NUDCD1: variants seen among roughly 807,000 people sequenced by gnomAD.
NUDCD1 encodes NudC domain containing 1.
A neutral mutation model predicts 67.8 loss-of-function variants in NUDCD1; 60 were observed. The ratio of observed to expected loss-of-function variants is 0.88; its 90% CI spans 0.72 to 1.10. The LOEUF (loss-of-function observed/expected upper bound fraction) is 1.10, where lower values mean the gene tolerates loss of function less well. NUDCD1 is among the 50% of genes least tolerant of loss of function. The pLI is 0.00. For missense variants in NUDCD1, 643 were observed against 695.0 expected, an observed-to-expected ratio of 0.93 and a Z score of 0.84; for synonymous variants, 244 against 230.8, an observed-to-expected ratio of 1.06 and a Z score of -0.52.
chr8:109,326,624 G>A (rs536665357), intron 1 of NUDCD1, among the ~76,000 whole-genome samples: 4 of 152,100 alleles, frequency 2.6e-5, no homozygotes, highest in South Asian at 2.1e-4. Context: ...AAAGAGCTTT[G>A]CTGAAAAATC....
At chr8:109,280,704 T>C (rs1197468035) in intron 6 of NUDCD1, among the ~76,000 whole-genome samples, 1 of 152,206 alleles carries the variant, frequency 6.6e-6, no homozygotes, top group Admixed American at 6.5e-5. Context: ...AAATAGCCAT[T>C]TTCACCTATG....
intron 8 of NUDCD1, among the ~76,000 whole-genome samples, chr8:109,250,252 A>G (rs2926213): frequency 0.53 from 80,646 of 152,044 alleles, 22,818 homozygotes; most frequent in African/African-American, 0.73. Context: ...CTTCAAAACT[A>G]AGTATTTCAT....
rs112730275 is a variant in NUDCD1, at chr8:109,290,021, A to G, written c.641-88T>C. The G allele has an allele frequency of 7.9e-3, 4,819 of 611,038 alleles. 181 individuals carry two copies. In the African/African-American group the frequency reaches 0.085, roughly 11 times the overall value. The allele number at this position is 611,038 out of a possible 1,614,324, so 37.9% of individuals were successfully genotyped here. ...TATTTAAAAATTGATTTTAATTATA[A>G]TTAAATAATTTGAATGTATTATTAA... is the stretch of plus-strand genomic sequence containing the variant. On this transcript the variant is annotated intron_variant, in intron 4 of 9. Coordinates refer to ENST00000239690, the MANE Select transcript of NUDCD1 (RefSeq NM_032869.4).
intron 2 of NUDCD1, among the ~76,000 whole-genome samples, chr8:109,307,680 A>G (rs1281295444): frequency 2.6e-5 from 4 of 152,194 alleles, no homozygotes; most frequent in African/African-American, 9.6e-5. Flanking sequence ...GCTCCACTTA[A>G]AAGATACAGA....
chr8:109,247,824 T>G (rs1216795559), intron 8 of NUDCD1, among the ~76,000 whole-genome samples: 1 of 152,164 alleles, frequency 6.6e-6, no homozygotes, highest in Non-Finnish European at 1.5e-5. Flanking sequence ...TCCTATCAAA[T>G]TATTTATCAT....
intron 2 of NUDCD1, among the ~76,000 whole-genome samples, chr8:109,308,336 G>C (rs1356919722): frequency 6.6e-6 from 1 of 152,156 alleles, no homozygotes. Context: ...GCAGTACTAA[G>C]TGGAAAGTTC....
rs527537847 is a variant in NUDCD1 at position 109,262,494 on chromosome 8, CAG to C, written c.1299+8509_1299+8510del. Among the ~76,000 whole-genome samples, 29 of 152,342 alleles carry C rather than the reference CAG, an allele frequency of 1.9e-4. 1 individual carries two copies. In the East Asian group the frequency reaches 5.4e-3, roughly 28 times the overall value. The stretch of plus-strand genomic sequence containing the variant: ...CTCACCATTTGAAAGAAACACTTGA[CAG>C]AGACTTCTGGTTTTATGCTTGAAAA... On this transcript the variant is annotated intron_variant, in intron 8 of 9. Transcript: ENST00000239690.
At position 109,333,463 on chromosome 8, in the gene NUDCD1, C is replaced by G. The variant is rs142058497; in HGVS notation, c.118+430G>C. 1.8e-3 allele frequency among the ~76,000 whole-genome samples: 270 copies of G among 152,298 alleles called. 1 individual carries two copies. Among genetic ancestry groups the G allele is most frequent in the African/African-American group, 6.2e-3 (259 of 41,568 alleles). ...GTAGTTTCTCTTCTAAGAAACGGCTCTCGGTCAGAGGAAACAGGAACTGGG... is the reference window on the plus strand; with the variant it reads ...GTAGTTTCTCTTCTAAGAAACGGCTGTCGGTCAGAGGAAACAGGAACTGGG... On this transcript the variant is annotated intron_variant, in intron 1 of 9. Coordinates refer to ENST00000239690, the MANE Select transcript of NUDCD1 (RefSeq NM_032869.4).
intron 1 of NUDCD1, among the ~76,000 whole-genome samples, chr8:109,325,079 C>G (rs929628934): frequency 2.0e-5 from 3 of 151,872 alleles, no homozygotes; most frequent in African/African-American, 7.3e-5. Flanking sequence ...CAGAGTGAGA[C>G]TTCATCTCAA....
In NUDCD1 at chr8:109,289,918, T is replaced by A; in HGVS notation, c.656A>T (p.Glu219Val). The change falls in exon 5 of 10, where the codon GAA becomes GTA. Residue 219 changes from glutamate to valine, a missense_variant. Transcript: ENST00000239690. ...ACGGAGAATATCACGCTTAATAATT[T>A]CATATTTTTTATTATCTGTAAGAAA... ...SKKNQDNKKY[E>V]IIKRDILRGK... 1 of 1,484,894 alleles carries A rather than the reference T, an allele frequency of 6.7e-7. No individual in the cohort carries two copies. The highest frequency in any genetic ancestry group is 9.0e-7 in the Non-Finnish European group (1 of 1,113,092). 92.0% of individuals were successfully genotyped at this position (1,484,894 alleles called of 1,614,324 possible). A position where few individuals can be genotyped will look rare whatever the true frequency, so the allele number is the denominator to read the frequency against.
intron 2 of NUDCD1, among the ~76,000 whole-genome samples, chr8:109,305,047 C>T (rs956221209): frequency 6.6e-6 from 1 of 152,174 alleles, no homozygotes; most frequent in African/African-American, 2.4e-5. Context: ...CATTTCCTTT[C>T]CATCGTGGAA....
intron 2 of NUDCD1, among the ~76,000 whole-genome samples, chr8:109,297,091 G>GT (rs1161643188): frequency 2.0e-5 from 3 of 152,312 alleles, no homozygotes; most frequent in African/African-American, 4.8e-5. Flanking sequence ...GTGTGATATG[G>GT]TAAGTGGTTA....
At chr8:109,313,948 C>T (rs1815325038) in intron 2 of NUDCD1, 2 of 433,126 alleles carry the variant, frequency 4.6e-6, no homozygotes, top group Non-Finnish European at 8.8e-6. Context: ...GGCTCTCTTA[C>T]TTGCATTAAT....
At chr8:109,310,926 CT>C (rs757756044) in intron 2 of NUDCD1, among the ~76,000 whole-genome samples, 2 of 150,816 alleles carry the variant, frequency 1.3e-5, no homozygotes. Context: ...AGTGATTCCC[CT>C]GCCTCAGCCT....
In NUDCD1 at chr8:109,318,130, T is replaced by A. The variant is rs577857778; in HGVS notation, c.273+4179A>T. On this transcript the variant is annotated intron_variant, in intron 2 of 9. Coordinates refer to ENST00000239690, the MANE Select transcript of NUDCD1 (RefSeq NM_032869.4). ...AAAATGAACTCATTTGGTAAGTCTG[T>A]CTTAAATGTCTAGTTTCCTTTTGAC... is the stretch of plus-strand genomic sequence containing the variant. Among the ~76,000 whole-genome samples, 26 of 152,306 alleles carry A rather than the reference T, an allele frequency of 1.7e-4. No homozygotes were observed. The South Asian group carries it at 2.1e-3, about 12-fold the overall frequency.
chr8:109,275,302 A>C (rs1295104805), intron 7 of NUDCD1, 50 bp downstream of exon 7: 2 of 1,551,828 alleles, frequency 1.3e-6, no homozygotes, highest in South Asian at 2.4e-5. Flanking sequence ...ATCTTCACAT[A>C]ACATATTTTT....
intron 8 of NUDCD1, among the ~76,000 whole-genome samples, chr8:109,252,320 C>T (rs1813639734): frequency 1.3e-5 from 2 of 152,124 alleles, no homozygotes; most frequent in Non-Finnish European, 2.9e-5. Flanking sequence ...TGATTTTCTG[C>T]CCCTCAAGGC....
chr8:109,288,468 A>G (rs1216941320), intron 5 of NUDCD1, among the ~76,000 whole-genome samples: 1 of 152,200 alleles, frequency 6.6e-6, no homozygotes, highest in Non-Finnish European at 1.5e-5. Context: ...TTATTCAGGA[A>G]AGGATCTTAG....
chr8:109,278,738 TAC>T lies in NUDCD1; in HGVS notation c.1028+2228_1028+2229del, dbSNP rs552879054. The stretch of plus-strand genomic sequence containing the variant: ...TTTTTATTTATTGCTAGCACTTTAT[TAC>T]AGAGTAACATTCCATTGTATGAATA... On this transcript the variant is annotated intron_variant, in intron 6 of 9. Transcript: ENST00000239690. Among the ~76,000 whole-genome samples, 16 of 152,374 alleles carry T rather than the reference TAC, an allele frequency of 1.1e-4. No homozygotes were observed. In the South Asian group the frequency reaches 2.7e-3, roughly 26 times the overall value.
Sources: allele counts gnomAD v4.1 joint callset (sites outside exome capture counted in the v4.1 genomes callset), GRCh38; gene constraint gnomAD v4.1.1; transcripts MANE v1.5; gene names NCBI Gene and HGNC (gene_info 2026-07-23, HGNC 2026-07-21).